GLIS3: variants seen among roughly 807,000 people sequenced by gnomAD.
GLIS3 encodes the protein zinc finger protein GLIS3.
In GLIS3, 53 loss-of-function variants were observed where a neutral mutation model predicts 78.6. That is an observed-to-expected ratio of 0.67 (90% confidence interval 0.54 to 0.85). The LOEUF is 0.85. Ranked by LOEUF, GLIS3 falls within the 40% of genes least tolerant of loss-of-function variation. GLIS3 has a pLI of 0.00. For synonymous variants in GLIS3, 684 were observed against 509.9 expected (o/e 1.34, Z -4.60); for missense variants, 1,703 against 1,231.1 (o/e 1.38, Z -5.74).
At position 3,917,521 on chromosome 9, in the gene GLIS3, C is replaced by A. The variant is rs1824600014; in HGVS notation, c.1983+14839G>T. ...GGAACATAATAAAACTCCTTTTTAA[C>A]TTCTATTCTTAAAGCCCAATAGCAG... On this transcript the variant is annotated intron_variant, in intron 6 of 10. Transcript: ENST00000381971. 2.6e-5 allele frequency among the ~76,000 whole-genome samples: 4 copies of A among 152,234 alleles called. No individual in the cohort carries two copies. The South Asian group carries it at 8.3e-4, about 32-fold the overall frequency.
At chr9:4,403,257 AC>A in the GLIS3 span, among the ~76,000 whole-genome samples, 3 of 152,190 alleles carry the variant, frequency 2.0e-5, no homozygotes. Context: ...TTCCAGACAA[AC>A]AAAAGCTGAG....
Position 3,924,751 on chromosome 9 carries a change from G to A in GLIS3, c.1983+7609C>T, listed in dbSNP as rs181910996. On this transcript the variant is annotated intron_variant, in intron 6 of 10. Coordinates refer to ENST00000381971, the MANE Select transcript of GLIS3 (RefSeq NM_001042413.2). ...TGGTGGGGATGGAGAGGGAGTGCCT[G>A]AGAAGGGCAATAGTGAGCTGTGTTA... Among the ~76,000 whole-genome samples the A allele has an allele frequency of 5.9e-5, 9 of 152,334 alleles. No individual in the cohort carries two copies. The South Asian group carries it at 1.4e-3, about 25-fold the overall frequency.
Position 4,227,809 on chromosome 9 carries a change from A to C in GLIS3, c.388+58229T>G, listed in dbSNP as rs929699872. ...GAAAAGCAAGGGAGAAGCAATTCTGATTCAATTAAAAAACAATGCTGCTAA... is the reference window on the plus strand; with the variant it reads ...GAAAAGCAAGGGAGAAGCAATTCTGCTTCAATTAAAAAACAATGCTGCTAA... On this transcript the variant is annotated intron_variant, in intron 2 of 10. Coordinates refer to ENST00000381971, the MANE Select transcript of GLIS3 (RefSeq NM_001042413.2). Among the ~76,000 whole-genome samples, 5 of 152,220 alleles carry C rather than the reference A, an allele frequency of 3.3e-5. No homozygotes were observed. The East Asian group carries it at 5.8e-4, about 18-fold the overall frequency.
the GLIS3 span, among the ~76,000 whole-genome samples, chr9:4,370,937 G>A: frequency 1.3e-5 from 2 of 151,982 alleles, no homozygotes; most frequent in African/African-American, 4.8e-5. Flanking sequence ...TAGCATAAAA[G>A]ACTCCTATTT....
the GLIS3 span, among the ~76,000 whole-genome samples, chr9:4,364,679 TTTA>T: frequency 6.8e-6 from 1 of 147,456 alleles, no homozygotes; most frequent in Non-Finnish European, 1.5e-5. Context: ...TGCTTATCTT[TTTA>T]TTTTCTTCTT....
chr9:4,366,402 T>C, the GLIS3 span, among the ~76,000 whole-genome samples: 1 of 152,140 alleles, frequency 6.6e-6, no homozygotes, highest in East Asian at 1.9e-4. Flanking sequence ...TCACAACCTT[T>C]TCCTGGGATG....
chr9:4,299,844 T>C lies in GLIS3; in HGVS notation c.-522A>G, dbSNP rs1816962931. On this transcript the variant is annotated 5_prime_UTR_variant, in exon 1 of 11. Coordinates refer to ENST00000381971, the MANE Select transcript of GLIS3 (RefSeq NM_001042413.2). ...CTTCTGGGGGCCGACCCCGGGATGCTGGCTAATTGCTGCCGGCGGGTTCCG... is the reference window on the plus strand; with the variant it reads ...CTTCTGGGGGCCGACCCCGGGATGCCGGCTAATTGCTGCCGGCGGGTTCCG... 1 of 152,332 alleles carries C rather than the reference T, an allele frequency of 6.6e-6. No individual in the cohort carries two copies. The highest frequency in any genetic ancestry group is 1.5e-5 in the Non-Finnish European group (1 of 68,154). 9.4% of individuals were successfully genotyped at this position (152,332 alleles called of 1,614,324 possible).
rs141048013 is a variant in GLIS3 at position 4,131,747 on chromosome 9, G to A, written c.389-5806C>T. On this transcript the variant is annotated intron_variant, in intron 2 of 10. Transcript: ENST00000381971. The stretch of plus-strand genomic sequence containing the variant: ...ACCCAGTCTCAAGTATTTCTTTACA[G>A]CAATGTGAGAACGGACTAATACAAC... 4.6e-4 allele frequency among the ~76,000 whole-genome samples: 70 copies of A among 152,160 alleles called. 1 individual carries two copies. In the South Asian group the frequency reaches 5.2e-3, roughly 11 times the overall value.
At chr9:4,380,736 T>C in the GLIS3 span, among the ~76,000 whole-genome samples, 1 of 152,220 alleles carries the variant, frequency 6.6e-6, no homozygotes, top group Non-Finnish European at 1.5e-5. Context: ...ATTGTTAAAA[T>C]TTTTAAATAA....
chr9:4,352,831 A>C (rs1300147188), upstream of GLIS3, among the ~76,000 whole-genome samples: 2 of 152,262 alleles, frequency 1.3e-5, no homozygotes, highest in Non-Finnish European at 1.5e-5. Flanking sequence ...ATGAATCTTC[A>C]TAGTTAGGTA....
At chr9:4,122,842 G>T (rs111647105) in intron 3 of GLIS3, among the ~76,000 whole-genome samples, 2,668 of 152,250 alleles carry the variant, frequency 0.018, 35 homozygotes, top group Non-Finnish European at 0.026. Context: ...GTCATTTTAG[G>T]GGAAATATAT....
intron 2 of GLIS3, among the ~76,000 whole-genome samples, chr9:4,228,939 G>A (rs1822015924): frequency 1.3e-5 from 2 of 152,164 alleles, no homozygotes; most frequent in Admixed American, 1.3e-4. Flanking sequence ...ACATGTCATG[G>A]ACATTAACAA....
intron 3 of GLIS3, among the ~76,000 whole-genome samples, chr9:4,122,054 G>T (rs1832234511): frequency 6.6e-6 from 1 of 152,168 alleles, no homozygotes; most frequent in Non-Finnish European, 1.5e-5. Flanking sequence ...ATATGTAAAA[G>T]GAAAGGAGAT....
At chr9:4,481,277 A>T in the GLIS3 span, among the ~76,000 whole-genome samples, 1 of 152,130 alleles carries the variant, frequency 6.6e-6, no homozygotes, top group African/African-American at 2.4e-5. Flanking sequence ...TGGGGTCAGG[A>T]GTTCAAGACC....
chr9:4,265,237 G>T (rs1020013494), intron 2 of GLIS3, among the ~76,000 whole-genome samples: 1 of 151,686 alleles, frequency 6.6e-6, no homozygotes, highest in Non-Finnish European at 1.5e-5. Context: ...GGTGAAAGGT[G>T]ATAGGAAAAG....
intron 4 of GLIS3, among the ~76,000 whole-genome samples, chr9:3,997,597 G>A (rs1018434984): frequency 4.0e-5 from 6 of 151,894 alleles, no homozygotes; most frequent in Non-Finnish European, 7.4e-5. Flanking sequence ...CAAGTTGAAC[G>A]TTTTTCTAGG....
intron 2 of GLIS3, among the ~76,000 whole-genome samples, chr9:4,213,802 A>G (rs900688741): frequency 3.7e-4 from 57 of 152,172 alleles, no homozygotes; most frequent in African/African-American, 1.3e-3. Flanking sequence ...TCATTCATCC[A>G]ATAAACATTA....
chr9:4,046,950 G>A (rs917586729), intron 4 of GLIS3, among the ~76,000 whole-genome samples: 1 of 152,216 alleles, frequency 6.6e-6, no homozygotes, highest in African/African-American at 2.4e-5. Flanking sequence ...CCTGGCAGAT[G>A]CTCAAAGTCT....
chr9:4,462,212 G>C, the GLIS3 span, among the ~76,000 whole-genome samples: 1 of 152,150 alleles, frequency 6.6e-6, no homozygotes, highest in Non-Finnish European at 1.5e-5. Context: ...ACACCTACAA[G>C]ATCACTATTC....
Sources: gnomAD v4.1 joint callset for allele counts (sites outside exome capture counted in the v4.1 genomes callset) on GRCh38, gnomAD v4.1.1 for gene constraint, MANE v1.5 for transcripts, NCBI Gene and HGNC (gene_info 2026-07-23, HGNC 2026-07-21) for gene names.